Variants in DOCK4 observed in about 807,000 individuals in gnomAD.
The protein encoded by DOCK4 is dedicator of cytokinesis 4.
A neutral mutation model predicts 268.1 loss-of-function variants in DOCK4; 97 were observed. The observed-to-expected ratio is 0.36, with a 90% confidence interval of 0.31 to 0.43. The LOEUF (loss-of-function observed/expected upper bound fraction) is 0.43. Among genes scored for constraint, DOCK4 ranks in the 20% least tolerant of loss-of-function variants. DOCK4 has a pLI of 1.00. For missense variants in DOCK4, 2,145 were observed against 2,455.7 expected, an observed-to-expected ratio of 0.87 and a Z score of 2.67; for synonymous variants, 954 against 887.2, an observed-to-expected ratio of 1.08 and a Z score of -1.34.
intron 1 of DOCK4, among the ~76,000 whole-genome samples, chr7:112,108,182 CATT>C (rs1811301750): frequency 6.6e-6 from 1 of 152,134 alleles, no homozygotes; most frequent in Non-Finnish European, 1.5e-5. Flanking sequence ...ATGTTGAAGA[CATT>C]ATTTCCCTGC....
intron 6 of DOCK4, among the ~76,000 whole-genome samples, chr7:111,986,910 G>A (rs999983769): frequency 2.6e-5 from 4 of 152,136 alleles, no homozygotes. Context: ...TTCATCCAGA[G>A]ATTTATGTGC....
At chr7:112,112,414 C>A (rs180836583) in intron 1 of DOCK4, among the ~76,000 whole-genome samples, 2 of 151,976 alleles carry the variant, frequency 1.3e-5, no homozygotes, top group East Asian at 3.9e-4. Context: ...AAGGCCGAGG[C>A]GGGCAGATCA....
At chr7:111,995,089 T>C (rs1799827072) in intron 4 of DOCK4, among the ~76,000 whole-genome samples, 1 of 151,558 alleles carries the variant, frequency 6.6e-6, no homozygotes, top group Non-Finnish European at 1.5e-5. Context: ...TGGAGTGCAG[T>C]GGCGCGATCT....
intron 36 of DOCK4, among the ~76,000 whole-genome samples, chr7:111,771,911 A>T (rs1798147622): frequency 6.6e-6 from 1 of 152,100 alleles, no homozygotes. Flanking sequence ...TGTCACTCAA[A>T]TTTCTTTTGT....
intron 35 of DOCK4, among the ~76,000 whole-genome samples, chr7:111,782,051 T>C (rs1053218110): frequency 1.3e-5 from 2 of 152,226 alleles, no homozygotes; most frequent in Non-Finnish European, 1.5e-5. Flanking sequence ...TAGACTTTTC[T>C]TGTATTTTAT....
chr7:111,893,545 C>T (rs532760133), intron 16 of DOCK4, among the ~76,000 whole-genome samples: 3 of 152,254 alleles, frequency 2.0e-5, no homozygotes, highest in South Asian at 2.1e-4. Flanking sequence ...TTTATGTTTT[C>T]GAAAATTGAA....
At chr7:112,072,690 T>C (rs974556981) in intron 1 of DOCK4, among the ~76,000 whole-genome samples, 6 of 152,128 alleles carry the variant, frequency 3.9e-5, no homozygotes, top group Non-Finnish European at 8.8e-5. Context: ...TAAAATAGTA[T>C]TTGTTGCAGC....
intron 30 of DOCK4, among the ~76,000 whole-genome samples, chr7:111,797,314 T>G (rs1009411820): frequency 2.6e-5 from 4 of 152,168 alleles, no homozygotes; most frequent in African/African-American, 9.7e-5. Context: ...TCCCCCTTAT[T>G]TGGGGCCCTT....
In DOCK4 at chr7:111,728,214, A is replaced by G. The variant is rs982136583; in HGVS notation, c.*60T>C. On this transcript the variant is annotated 3_prime_UTR_variant, in exon 53 of 53. Transcript: ENST00000428084. ...AAGTGCCTACACTAAATGTCTTCTC[A>G]TCATACTTCTTATTTTGTAAACGGG... 20 of 1,328,910 alleles carry G rather than the reference A, an allele frequency of 1.5e-5. No homozygotes were observed. The highest frequency in any genetic ancestry group is 2.0e-5 in the Non-Finnish European group (20 of 1,012,466). 82.3% of individuals were successfully genotyped at this position (1,328,910 alleles called of 1,614,324 possible). A position where few individuals can be genotyped will look rare whatever the true frequency, so the allele number is the denominator to read the frequency against.
chr7:112,182,811 G>A (rs1214361148), intron 1 of DOCK4, among the ~76,000 whole-genome samples: 2 of 152,222 alleles, frequency 1.3e-5, no homozygotes, highest in Admixed American at 6.5e-5. Flanking sequence ...CCTAAACCAC[G>A]AGACACAGAA....
chr7:112,188,934 A>C (rs1205158678), intron 1 of DOCK4, among the ~76,000 whole-genome samples: 2 of 152,200 alleles, frequency 1.3e-5, no homozygotes, highest in African/African-American at 4.8e-5. Context: ...CTGGTAGCCC[A>C]TGTCACACCA....
chr7:111,924,002 A>G (rs989503064), intron 12 of DOCK4, among the ~76,000 whole-genome samples: 1 of 152,208 alleles, frequency 6.6e-6, no homozygotes, highest in Non-Finnish European at 1.5e-5. Context: ...AAGATTTTTC[A>G]TTGTCAAAAA....
chr7:111,972,963 T>A (rs1797843931), intron 8 of DOCK4, among the ~76,000 whole-genome samples: 1 of 151,524 alleles, frequency 6.6e-6, no homozygotes, highest in African/African-American at 2.4e-5. Flanking sequence ...TTCCCTGGAG[T>A]TCATAAAGTC....
At chr7:112,197,099 T>G (rs1274607915) in intron 1 of DOCK4, among the ~76,000 whole-genome samples, 2 of 152,158 alleles carry the variant, frequency 1.3e-5, no homozygotes, top group Admixed American at 6.5e-5. Context: ...GACTTAGTTT[T>G]CAGTATTATT....
intron 6 of DOCK4, among the ~76,000 whole-genome samples, chr7:111,988,125 C>T (rs1347502505): frequency 6.6e-6 from 1 of 152,114 alleles, no homozygotes; most frequent in Non-Finnish European, 1.5e-5. Context: ...GGTTCACTTC[C>T]TGTCATTTTC....
chr7:112,201,676 G>A (rs570951406), intron 1 of DOCK4, among the ~76,000 whole-genome samples: 1 of 151,980 alleles, frequency 6.6e-6, no homozygotes, highest in East Asian at 1.9e-4. Flanking sequence ...GGAATGGGGG[G>A]GTGTGCTAAC....
chr7:111,846,245 T>C (rs893141451), intron 24 of DOCK4, among the ~76,000 whole-genome samples: 1 of 152,198 alleles, frequency 6.6e-6, no homozygotes, highest in East Asian at 1.9e-4. Context: ...TTGGCACTCA[T>C]TGCCAAACTC....
intron 1 of DOCK4, among the ~76,000 whole-genome samples, chr7:112,114,901 C>A (rs1352037119): frequency 6.6e-6 from 1 of 152,184 alleles, no homozygotes; most frequent in South Asian, 2.1e-4. Flanking sequence ...TTACAATTAT[C>A]ATGAAAATAA....
At chr7:111,741,462 C>A in intron 46 of DOCK4, 78 bp downstream of exon 46, 1 of 1,554,314 alleles carries the variant, frequency 6.4e-7, no homozygotes, top group Non-Finnish European at 8.7e-7. Context: ...ACAAATTGTG[C>A]CATAAAGAAT....
Sources: gnomAD v4.1 joint callset for allele counts (sites outside exome capture counted in the v4.1 genomes callset) on GRCh38, gnomAD v4.1.1 for gene constraint, MANE v1.5 for transcripts, NCBI Gene and HGNC (gene_info 2026-07-23, HGNC 2026-07-21) for gene names.